AGPAT2: variants seen among roughly 807,000 people sequenced by gnomAD.
AGPAT2 encodes 1-acyl-sn-glycerol-3-phosphate acyltransferase beta.
In AGPAT2, 18 loss-of-function variants were observed where a neutral mutation model predicts 26.1. That is an observed-to-expected ratio of 0.69 (90% confidence interval 0.48 to 1.02). The LOEUF (loss-of-function observed/expected upper bound fraction) is 1.02, where lower values mean the gene tolerates loss of function less well. AGPAT2 is among the 50% of genes least tolerant of loss of function. The pLI, the probability that AGPAT2 is intolerant of heterozygous loss-of-function variation, is 0.00. For synonymous variants in AGPAT2, 200 were observed against 174.2 expected, an observed-to-expected ratio of 1.15 and a Z score of -1.16; for missense variants, 415 against 394.9, an observed-to-expected ratio of 1.05 and a Z score of -0.43.
chr9:136,686,620 C>T (rs915353057), intron 1 of AGPAT2, among the ~76,000 whole-genome samples: 1 of 152,216 alleles, frequency 6.6e-6, no homozygotes, highest in Admixed American at 6.5e-5. Context: ...AGGTCCCCTC[C>T]GGGTCCCCCA....
At position 136,674,761 on chromosome 9, in the gene AGPAT2, T is replaced by G. The variant is rs754208307; in HGVS notation, c.635A>C (p.Asn212Thr). Reference sequence around the variant, plus strand: ...TGAAGTGAAGAACTTCTTCTTGGTGTTGTAGAAGGAGGAGAAGGAAGAGTA... The same window carrying G: ...TGAAGTGAAGAACTTCTTCTTGGTGGTGTAGAAGGAGGAGAAGGAAGAGTA... ...VVYSSFSSFY[N>T]TKKKFFTSGT... is the part of the protein sequence containing the mutation. Residue 212 changes from asparagine (N) to threonine (T), a missense_variant, in exon 5 of 6, where the codon AAC becomes ACC. Transcript: ENST00000371696. The G allele has an allele frequency of 9.8e-6, 15 of 1,524,094 alleles. No homozygotes were observed. Among genetic ancestry groups the G allele is most frequent in the South Asian group, 1.3e-5 (1 of 78,068 alleles). The allele number at this position is 1,524,094 out of a possible 1,614,324, so 94.4% of individuals were successfully genotyped here. A position where few individuals can be genotyped will look rare whatever the true frequency, so the allele number is the denominator to read the frequency against.
At chr9:136,674,700 G>C in intron 5 of AGPAT2, 35 bp downstream of exon 5, 1 of 1,384,608 alleles carries the variant, frequency 7.2e-7, no homozygotes, top group Non-Finnish European at 9.5e-7. Flanking sequence ...GGGTCAGGCG[G>C]GGCCTACACC....
At chr9:136,674,875 T>G in intron 4 of AGPAT2, 68 bp from the exon 5 acceptor site, 1 of 1,219,614 alleles carries the variant, frequency 8.2e-7, no homozygotes, top group Non-Finnish European at 1.1e-6. Flanking sequence ...AGGCTGCATG[T>G]GGTTGGGGAG....
intron 1 of AGPAT2, among the ~76,000 whole-genome samples, chr9:136,682,194 A>C (rs1846169476): frequency 6.6e-6 from 1 of 152,086 alleles, no homozygotes; most frequent in African/African-American, 2.4e-5. Flanking sequence ...GGACTCTAGG[A>C]GCTCATCCTG....
At chr9:136,686,246 G>C (rs1846219589) in intron 1 of AGPAT2, among the ~76,000 whole-genome samples, 2 of 152,240 alleles carry the variant, frequency 1.3e-5, no homozygotes, top group African/African-American at 4.8e-5. Flanking sequence ...CACGGGGAAG[G>C]GGGCCTCTGG....
chr9:136,676,488 G>A lies in AGPAT2; in HGVS notation c.588+97C>T, dbSNP rs555518089. 55 of 954,140 alleles carry A rather than the reference G, an allele frequency of 5.8e-5. No individual in the cohort carries two copies. In the African/African-American group the frequency reaches 8.1e-4, roughly 14 times the overall value. 59.1% of individuals were successfully genotyped at this position (954,140 alleles called of 1,614,324 possible). A position where few individuals can be genotyped will look rare whatever the true frequency, so the allele number is the denominator to read the frequency against. Reference sequence around the variant, plus strand: ...TGGGAGGAGTCCCTTGTGTGTCAAGGGTCCTCAGCTCGGCTGGTGGTCACC... The same window carrying A: ...TGGGAGGAGTCCCTTGTGTGTCAAGAGTCCTCAGCTCGGCTGGTGGTCACC... On this transcript the variant is annotated intron_variant, in intron 4 of 5. Transcript: ENST00000371696.
At chr9:136,686,510 T>G (rs1198682135) in intron 1 of AGPAT2, among the ~76,000 whole-genome samples, 5 of 152,146 alleles carry the variant, frequency 3.3e-5, no homozygotes, top group Admixed American at 3.3e-4. Context: ...AGGGGAAAAT[T>G]TCAGCCCCGC....
intron 5 of AGPAT2, 150 bp from the exon 6 acceptor site, chr9:136,674,077 G>T: frequency 1.3e-6 from 1 of 748,240 alleles, no homozygotes; most frequent in Non-Finnish European, 2.0e-6. Context: ...TAGCCGTGGT[G>T]GGTTATTTTA....
intron 1 of AGPAT2, among the ~76,000 whole-genome samples, chr9:136,684,907 C>CG (rs950094029): frequency 6.6e-6 from 1 of 152,208 alleles, no homozygotes; most frequent in Non-Finnish European, 1.5e-5. Context: ...TCCAGCCCCC[C>CG]GGGTCCCTTC....
intron 4 of AGPAT2, among the ~76,000 whole-genome samples, chr9:136,675,411 AGGT>A (rs1387295287): frequency 1.2e-4 from 7 of 58,156 alleles, no homozygotes; most frequent in Admixed American, 1.6e-4. Context: ...GGGGGCCAGC[AGGT>A]AGGCTGGGGA....
rs1343663871 is a variant in AGPAT2, at chr9:136,677,050, G to A, written c.403C>T (p.Leu135Phe). The change falls in exon 3 of 6, where the codon CTC becomes TTC. Residue 135 changes from leucine (L) to phenylalanine (F), a missense_variant. Coordinates refer to ENST00000371696, the MANE Select transcript of AGPAT2 (RefSeq NM_006412.4). ...CGGTTGATGAAGAAGACGCCCCCGA[G>A]GTACATGATGAGGCCCACGGGCCCC... ...FLGPVGLIMY[L>F]GGVFFINRQR... 6.2e-7 allele frequency: 1 copy of A among 1,613,128 alleles called. No homozygotes were observed. Among genetic ancestry groups the A allele is most frequent in the Non-Finnish European group, 8.5e-7 (1 of 1,180,006 alleles).
At chr9:136,676,125 G>A (rs1002385746) in intron 4 of AGPAT2, among the ~76,000 whole-genome samples, 1 of 152,220 alleles carries the variant, frequency 6.6e-6, no homozygotes, top group Non-Finnish European at 1.5e-5. Flanking sequence ...AGAGTCTGGA[G>A]GCGCTGCTTA....
intron 1 of AGPAT2, among the ~76,000 whole-genome samples, chr9:136,679,001 A>T (rs746224019): frequency 2.6e-5 from 4 of 151,968 alleles, no homozygotes; most frequent in Non-Finnish European, 4.4e-5. Context: ...CAACCTGCCG[A>T]CCTCGGCCTC....
chr9:136,673,911 C>A lies in AGPAT2; in HGVS notation c.678G>T (p.Gln226His). 1 of 1,585,580 alleles carries A rather than the reference C, an allele frequency of 6.3e-7. No individual in the cohort carries two copies. Reference protein sequence around the residue: ...KFFTSGTVTVQVLEAIPTSGL... With the variant: ...KFFTSGTVTVHVLEAIPTSGL... ...CGCTGGTGGGGATGGCTTCCAGCAC[C>A]TGCACTGTGACTGTTCCTGTGGGGG... The change falls in exon 6 of 6, where the codon CAG becomes CAT. Residue 226 changes from glutamine (Q) to histidine (H), a missense_variant. By Grantham distance (24) the Gln-to-His change is conservative (BLOSUM62 0). Transcript: ENST00000371696.
chr9:136,683,286 C>A (rs1846184849), intron 1 of AGPAT2, among the ~76,000 whole-genome samples: 1 of 152,034 alleles, frequency 6.6e-6, no homozygotes, highest in Admixed American at 6.5e-5. Flanking sequence ...AGCCCCCAAT[C>A]CCACCAGCAC....
At chr9:136,676,092 G>A (rs986152085) in intron 4 of AGPAT2, among the ~76,000 whole-genome samples, 5 of 152,220 alleles carry the variant, frequency 3.3e-5, no homozygotes, top group African/African-American at 1.2e-4. Flanking sequence ...CTGCACCCCT[G>A]GAGGCTGGGG....
intron 2 of AGPAT2, 117 bp downstream of exon 2, chr9:136,677,306 C>T (rs954908530): frequency 4.6e-5 from 71 of 1,554,232 alleles, no homozygotes; most frequent in Non-Finnish European, 5.7e-5. Context: ...GTACTGAGGC[C>T]GAGCTCGCCC....
rs1846230560 is a variant in AGPAT2, at chr9:136,687,027, T to C, written c.182+149A>G. Reference sequence around the variant, plus strand: ...CCCCTGACTCCGGGACCCCCTCCTGTGCCTGCCGCCGGCCCAGGCGCGCTC... The same window carrying C: ...CCCCTGACTCCGGGACCCCCTCCTGCGCCTGCCGCCGGCCCAGGCGCGCTC... On this transcript the variant is annotated intron_variant, in intron 1 of 5. Coordinates refer to ENST00000371696, the MANE Select transcript of AGPAT2 (RefSeq NM_006412.4). 4.6e-6 allele frequency: 4 copies of C among 862,560 alleles called. No individual in the cohort carries two copies. The East Asian group carries it at 9.6e-5, about 21-fold the overall frequency. 53.4% of individuals were successfully genotyped at this position (862,560 alleles called of 1,614,324 possible). A position where few individuals can be genotyped will look rare whatever the true frequency, so the allele number is the denominator to read the frequency against.
At chr9:136,675,169 C>G (rs1846074155) in intron 4 of AGPAT2, among the ~76,000 whole-genome samples, 1 of 152,162 alleles carries the variant, frequency 6.6e-6, no homozygotes, top group Non-Finnish European at 1.5e-5. Context: ...ACGCCTCTCT[C>G]CCAGTCCTCT....
Sources: gnomAD v4.1 joint callset for allele counts (sites outside exome capture counted in the v4.1 genomes callset) on GRCh38, gnomAD v4.1.1 for gene constraint, MANE v1.5 for transcripts, NCBI Gene and HGNC (gene_info 2026-07-23, HGNC 2026-07-21) for gene names.